Variants in MEMO1 observed in about 807,000 individuals in gnomAD.
The protein encoded by MEMO1 is protein MEMO1.
A neutral mutation model predicts 45.2 loss-of-function variants in MEMO1; 6 were observed. The observed-to-expected ratio is 0.13, with a 90% CI of 0.07 to 0.26. The LOEUF (loss-of-function observed/expected upper bound fraction) is 0.26, where lower values mean the gene tolerates loss of function less well. Ranked by LOEUF, MEMO1 falls within the 10% of genes least tolerant of loss-of-function variation. The pLI, the probability that MEMO1 is intolerant of heterozygous loss-of-function variation, is 1.00. For missense variants in MEMO1, 184 were observed against 370.5 expected, an observed-to-expected ratio of 0.50 and a Z score of 4.13; for synonymous variants, 78 against 124.3, an observed-to-expected ratio of 0.63 and a Z score of 2.48.
intron 2 of MEMO1, among the ~76,000 whole-genome samples, chr2:32,000,258 T>C (rs1002357960): frequency 6.6e-6 from 1 of 151,554 alleles, no homozygotes; most frequent in Admixed American, 6.6e-5. Flanking sequence ...AGACGGAGTT[T>C]CACTCTTGTT....
intron 2 of MEMO1, among the ~76,000 whole-genome samples, chr2:31,961,599 T>A (rs887841440): frequency 6.8e-6 from 1 of 147,276 alleles, no homozygotes; most frequent in Non-Finnish European, 1.5e-5. Flanking sequence ...TCTGTCTCTA[T>A]AAAAAATTTA....
At chr2:31,924,512 T>C (rs1385053319) in intron 4 of MEMO1, among the ~76,000 whole-genome samples, 2 of 152,018 alleles carry the variant, frequency 1.3e-5, no homozygotes, top group Non-Finnish European at 2.9e-5. Flanking sequence ...GGCATTCTCT[T>C]AGAAATAAAT....
intron 2 of MEMO1, among the ~76,000 whole-genome samples, chr2:31,999,696 CAT>C (rs769805107): frequency 2.0e-5 from 3 of 152,122 alleles, no homozygotes; most frequent in Non-Finnish European, 4.4e-5. Context: ...CCTCTTAACT[CAT>C]ATGATACTAC....
At chr2:31,957,607 C>G (rs965334908) in intron 2 of MEMO1, among the ~76,000 whole-genome samples, 1 of 152,136 alleles carries the variant, frequency 6.6e-6, no homozygotes, top group African/African-American at 2.4e-5. Context: ...ATATCCATCA[C>G]CAAATATCTG....
chr2:32,003,235 T>C (rs1260114267), intron 2 of MEMO1, among the ~76,000 whole-genome samples: 1 of 152,166 alleles, frequency 6.6e-6, no homozygotes, highest in Non-Finnish European at 1.5e-5. Context: ...ATTTTATCAA[T>C]TGTTTAGAAA....
At chr2:31,969,042 T>G (rs888355980) in intron 2 of MEMO1, among the ~76,000 whole-genome samples, 2 of 151,900 alleles carry the variant, frequency 1.3e-5, no homozygotes, top group African/African-American at 4.8e-5. Flanking sequence ...TTATTAATAC[T>G]AATAATGTGA....
intron 3 of MEMO1, among the ~76,000 whole-genome samples, chr2:31,936,999 A>G (rs1479788272): frequency 2.0e-5 from 3 of 152,218 alleles, no homozygotes; most frequent in Non-Finnish European, 4.4e-5. Flanking sequence ...AAGATCTAAA[A>G]AGCTAGAAAC....
At chr2:31,941,516 A>G (rs1204028741) in intron 3 of MEMO1, among the ~76,000 whole-genome samples, 1 of 152,222 alleles carries the variant, frequency 6.6e-6, no homozygotes, top group East Asian at 1.9e-4. Flanking sequence ...TGTCTTCCCT[A>G]GTACCAAAAT....
At chr2:31,894,194 G>A (rs984808003) in intron 6 of MEMO1, among the ~76,000 whole-genome samples, 1 of 152,132 alleles carries the variant, frequency 6.6e-6, no homozygotes, top group African/African-American at 2.4e-5. Flanking sequence ...CAAAAACAAT[G>A]AGAAGAGCAT....
intron 2 of MEMO1, among the ~76,000 whole-genome samples, chr2:31,962,826 T>C (rs1241634514): frequency 1.3e-5 from 2 of 152,168 alleles, no homozygotes; most frequent in Admixed American, 6.5e-5. Context: ...GCCCAGACAT[T>C]TGGTCAAGCA....
At position 31,927,283 on chromosome 2, in the gene MEMO1, G is replaced by A. The variant is rs536816171; in HGVS notation, c.212+4784C>T. Among the ~76,000 whole-genome samples, 5 of 152,324 alleles carry A rather than the reference G, an allele frequency of 3.3e-5. No homozygotes were observed. The South Asian group carries it at 1.0e-3, about 32-fold the overall frequency. On this transcript the variant is annotated intron_variant, in intron 4 of 9. Transcript: ENST00000404530. ...TGCAGTGAGCTGAGATAGCGCCACT[G>A]CATTCCAGCCTGGTGACAGAGCAAG...
intron 3 of MEMO1, among the ~76,000 whole-genome samples, chr2:31,942,306 A>G (rs1298990691): frequency 3.9e-5 from 6 of 152,354 alleles, no homozygotes; most frequent in Non-Finnish European, 2.9e-5. Flanking sequence ...TATGCTTAAT[A>G]TATCTTTTTC....
chr2:31,929,951 T>C (rs1349931543), intron 4 of MEMO1, among the ~76,000 whole-genome samples: 5 of 152,212 alleles, frequency 3.3e-5, no homozygotes, highest in Admixed American at 3.3e-4. Flanking sequence ...AGTTATTATA[T>C]ACTAATTACA....
At chr2:31,887,490 C>T (rs1173794446) in intron 7 of MEMO1, among the ~76,000 whole-genome samples, 1 of 152,122 alleles carries the variant, frequency 6.6e-6, no homozygotes, top group Non-Finnish European at 1.5e-5. Flanking sequence ...AGTTAAACCT[C>T]ACAACAACCT....
chr2:31,894,364 G>A (rs1677413039), intron 6 of MEMO1, among the ~76,000 whole-genome samples: 1 of 152,154 alleles, frequency 6.6e-6, no homozygotes, highest in South Asian at 2.1e-4. Context: ...TTGGAGCAGA[G>A]AGTGGAAAAC....
intron 2 of MEMO1, among the ~76,000 whole-genome samples, chr2:31,956,583 T>C (rs1161387331): frequency 6.6e-6 from 1 of 152,150 alleles, no homozygotes; most frequent in Non-Finnish European, 1.5e-5. Context: ...ATGGGTGAAC[T>C]GACAGAACAA....
Position 31,868,274 on chromosome 2 carries a change from C to T in MEMO1, c.*87G>A, listed in dbSNP as rs1482938718. ...TTTGAGGTTTCAGAATCCCCCCAAA[C>T]CAGGACCAGTATCGTGGTAAAGGCT... is the stretch of plus-strand genomic sequence containing the variant. On this transcript the variant is annotated 3_prime_UTR_variant, in exon 10 of 10. Transcript: ENST00000404530. The T allele has an allele frequency of 7.6e-7, 1 of 1,308,928 alleles. No individual in the cohort carries two copies. The highest frequency in any genetic ancestry group is 9.8e-7 in the Non-Finnish European group (1 of 1,020,630). The allele number at this position is 1,308,928 out of a possible 1,614,324, so 81.1% of individuals were successfully genotyped here.
At chr2:31,908,745 T>C (rs1243289792) in intron 6 of MEMO1, among the ~76,000 whole-genome samples, 1 of 152,242 alleles carries the variant, frequency 6.6e-6, no homozygotes, top group African/African-American at 2.4e-5. Context: ...TATTCTGTTC[T>C]CTTTACAAAA....
chr2:32,002,952 G>T (rs1673592573), intron 2 of MEMO1, among the ~76,000 whole-genome samples: 1 of 152,122 alleles, frequency 6.6e-6, no homozygotes, highest in South Asian at 2.1e-4. Context: ...TAAAATAATA[G>T]GATGGGATGC....
Sources: allele counts gnomAD v4.1 joint callset (sites outside exome capture counted in the v4.1 genomes callset), GRCh38; gene constraint gnomAD v4.1.1; transcripts MANE v1.5; gene names NCBI Gene and HGNC (gene_info 2026-07-23, HGNC 2026-07-21).